The following NRXN1 variants were observed in gnomAD, a reference collection of about 807,000 sequenced individuals.
NRXN1 encodes neurexin-1.
Under a neutral mutation model 150.9 loss-of-function variants are expected in NRXN1, and 39 were observed. That is an observed-to-expected ratio of 0.26 (90% CI 0.20 to 0.34). The LOEUF is 0.34. Ranked by LOEUF, NRXN1 falls within the 10% of genes least tolerant of loss-of-function variation. NRXN1 has a pLI of 1.00. For synonymous variants in NRXN1, 924 were observed against 757.0 expected (o/e 1.22, Z -3.62); for missense variants, 1,815 against 1,949.9 (o/e 0.93, Z 1.30).
intron 17 of NRXN1, among the ~76,000 whole-genome samples, chr2:50,434,281 A>C (rs1284601079): frequency 6.6e-6 from 1 of 151,284 alleles, no homozygotes; most frequent in Non-Finnish European, 1.5e-5. Context: ...ACAGGGTTTC[A>C]CCGTGTTGGC....
chr2:50,193,287 C>A lies in NRXN1; in HGVS notation c.3546+43502G>T, dbSNP rs143655227. Among the ~76,000 whole-genome samples the A allele has an allele frequency of 5.2e-3, 785 of 152,252 alleles. 3 individuals are homozygous for A. The highest frequency in any genetic ancestry group is 0.017 in the African/African-American group (706 of 41,572). ...ACTACAAAAATAAAGGCTTCAATAT[C>A]ATAGTTTCTCTAAATGTATCAAATT... On this transcript the variant is annotated intron_variant, in intron 18 of 22. Transcript: ENST00000401669.
chr2:49,935,895 C>T (rs1670943063), intron 22 of NRXN1, among the ~76,000 whole-genome samples: 1 of 152,198 alleles, frequency 6.6e-6, no homozygotes, highest in Non-Finnish European at 1.5e-5. Flanking sequence ...CTACATTCCT[C>T]CCTTCAAGGT....
Position 50,629,874 on chromosome 2 carries a change from C to G in NRXN1, c.833-6259G>C, listed in dbSNP as rs1031336666. Among the ~76,000 whole-genome samples the G allele has an allele frequency of 5.3e-5, 8 of 151,592 alleles. No homozygotes were observed. The East Asian group carries it at 1.5e-3, about 29-fold the overall frequency. ...AAGATTTAAAAAATATATATATACG[C>G]TGCTTGGTAGTAATTGTTTGAAGAT... On this transcript the variant is annotated intron_variant, in intron 5 of 22. Coordinates refer to ENST00000401669, the MANE Select transcript of NRXN1 (RefSeq NM_001330078.2).
intron 11 of NRXN1, 52 bp downstream of exon 11, chr2:50,531,175 T>C (rs10170552): frequency 8.2e-6 from 11 of 1,344,716 alleles, no homozygotes; most frequent in Non-Finnish European, 1.0e-5. Flanking sequence ...TGCAGGCAAA[T>C]TGAACAAAAA....
intron 5 of NRXN1, among the ~76,000 whole-genome samples, chr2:50,816,309 T>C (rs988832101): frequency 2.6e-5 from 4 of 152,062 alleles, no homozygotes; most frequent in African/African-American, 9.7e-5. Context: ...CATAGCACAG[T>C]CTACACATTT....
Position 50,588,720 on chromosome 2 carries a change from C to T in NRXN1, c.1320+31302G>A, listed in dbSNP as rs1376919838. 2.6e-5 allele frequency: 4 copies of T among 151,978 alleles called. No individual in the cohort carries two copies. The South Asian group carries it at 8.3e-4, about 32-fold the overall frequency. The allele number at this position is 151,978 out of a possible 1,614,324, so 9.4% of individuals were successfully genotyped here. ...AATGATGAGTTTGCTAGTACAATGC[C>T]GGTTAGACTACCCACAGTGAAGAGG... On this transcript the variant is annotated intron_variant, in intron 8 of 22. Transcript: ENST00000401669.
chr2:50,508,101 C>G (rs9973959), intron 12 of NRXN1, among the ~76,000 whole-genome samples: 151,280 of 152,288 alleles, frequency 0.99, 75,138 homozygotes, highest in East Asian at 1. Context: ...CAGAACTACA[C>G]CCTATCCACC....
At chr2:50,325,378 C>A (rs1481615215) in intron 17 of NRXN1, among the ~76,000 whole-genome samples, 2 of 152,168 alleles carry the variant, frequency 1.3e-5, no homozygotes, top group Non-Finnish European at 2.9e-5. Flanking sequence ...GTCATGCCCC[C>A]CACCAGGTCC....
intron 5 of NRXN1, among the ~76,000 whole-genome samples, chr2:50,825,426 T>C (rs1161526710): frequency 1.3e-5 from 2 of 152,014 alleles, no homozygotes; most frequent in South Asian, 2.1e-4. Flanking sequence ...TCCAAGTAGG[T>C]GAGAAAGGCT....
chr2:50,543,350 G>A (rs1399881846), intron 9 of NRXN1, among the ~76,000 whole-genome samples: 1 of 151,964 alleles, frequency 6.6e-6, no homozygotes, highest in East Asian at 1.9e-4. Context: ...CTAGATCAGG[G>A]TTTCATGCTT....
At chr2:50,352,780 AT>A (rs2078517506) in intron 17 of NRXN1, among the ~76,000 whole-genome samples, 1 of 95,388 alleles carries the variant, frequency 1.0e-5, no homozygotes, top group East Asian at 2.8e-4. Flanking sequence ...TAATAATATT[AT>A]AATAATAATA....
chr2:50,387,571 T>C lies in NRXN1; in HGVS notation c.3364+77871A>G, dbSNP rs796187423. 7.9e-5 allele frequency among the ~76,000 whole-genome samples: 12 copies of C among 152,236 alleles called. 1 individual carries two copies. The South Asian group carries it at 1.9e-3, about 24-fold the overall frequency. ...CATTTTTTATTTACTCATACCTAAA[T>C]AGAGAACTTCTGCTAAGGTAGGAGA... On this transcript the variant is annotated intron_variant, in intron 17 of 22. Coordinates refer to ENST00000401669, the MANE Select transcript of NRXN1 (RefSeq NM_001330078.2).
chr2:50,976,609 C>G (rs1204964846), intron 2 of NRXN1, among the ~76,000 whole-genome samples: 2 of 151,762 alleles, frequency 1.3e-5, no homozygotes, highest in African/African-American at 4.8e-5. Context: ...TAGTTAATGT[C>G]TATATTAATA....
At chr2:50,331,571 T>G (rs542950454) in intron 17 of NRXN1, among the ~76,000 whole-genome samples, 2 of 152,326 alleles carry the variant, frequency 1.3e-5, no homozygotes, top group Non-Finnish European at 2.9e-5. Context: ...GAATACTCTC[T>G]ATGTATAACA....
At chr2:50,547,079 T>C (rs1232250444) in intron 9 of NRXN1, among the ~76,000 whole-genome samples, 1 of 152,204 alleles carries the variant, frequency 6.6e-6, no homozygotes, top group African/African-American at 2.4e-5. Flanking sequence ...TCTAATTATG[T>C]GCTCTTGAGA....
intron 21 of NRXN1, among the ~76,000 whole-genome samples, chr2:50,006,294 C>A (rs569283215): frequency 6.6e-6 from 1 of 152,096 alleles, no homozygotes; most frequent in African/African-American, 2.4e-5. Flanking sequence ...TTAGCTATTG[C>A]TCAGCTTCTA....
chr2:50,687,835 C>T (rs1691477172), intron 5 of NRXN1, among the ~76,000 whole-genome samples: 1 of 152,130 alleles, frequency 6.6e-6, no homozygotes, highest in African/African-American at 2.4e-5. Context: ...GCAAGAGAAG[C>T]TAAGTTTTCC....
At chr2:50,380,268 G>T (rs967468633) in intron 17 of NRXN1, among the ~76,000 whole-genome samples, 5 of 148,440 alleles carry the variant, frequency 3.4e-5, no homozygotes, top group Admixed American at 1.3e-4. Context: ...GCTGAGAAAT[G>T]ACCACATATG....
intron 21 of NRXN1, among the ~76,000 whole-genome samples, chr2:50,048,809 A>G (rs1012906589): frequency 6.6e-6 from 1 of 152,126 alleles, no homozygotes; most frequent in Admixed American, 6.6e-5. Context: ...TACCCTGAAA[A>G]AATGCCTAAC....
Sources: allele counts gnomAD v4.1 joint callset (sites outside exome capture counted in the v4.1 genomes callset), GRCh38; gene constraint gnomAD v4.1.1; transcripts MANE v1.5; gene names NCBI Gene and HGNC (gene_info 2026-07-23, HGNC 2026-07-21).